PCSK1: variants seen among roughly 807,000 people sequenced by gnomAD.
The protein encoded by PCSK1 is neuroendocrine convertase 1.
Under a neutral mutation model 90.6 loss-of-function variants are expected in PCSK1, and 56 were observed. The observed-to-expected ratio is 0.62, with a 90% CI of 0.50 to 0.77. PCSK1 has a LOEUF of 0.77. Ranked by LOEUF, PCSK1 falls within the 30% of genes least tolerant of loss-of-function variation. The pLI, the probability that PCSK1 is intolerant of heterozygous loss-of-function variation, is 0.00. For synonymous variants in PCSK1, 348 were observed against 342.4 expected (o/e 1.02, Z -0.18); for missense variants, 801 against 932.6 (o/e 0.86, Z 1.84).
intron 1 of PCSK1, chr5:96,432,010 A>T: frequency 9.3e-7 from 1 of 1,079,332 alleles, no homozygotes; most frequent in South Asian, 1.3e-5. Flanking sequence ...ACCTCCAACC[A>T]GCTACCTATC....
chr5:96,396,253 A>C (rs1163237668), intron 12 of PCSK1, among the ~76,000 whole-genome samples: 1 of 152,180 alleles, frequency 6.6e-6, no homozygotes, highest in Non-Finnish European at 1.5e-5. Flanking sequence ...AGAACTTTAA[A>C]TGATTTATTT....
At chr5:96,413,993 G>A (rs1178941911) in intron 6 of PCSK1, among the ~76,000 whole-genome samples, 1 of 139,604 alleles carries the variant, frequency 7.2e-6, no homozygotes, top group Non-Finnish European at 1.5e-5. Context: ...AAAAAAATTA[G>A]CCGGGCGTAG....
At chr5:96,406,355 T>A (rs1458614790) in intron 9 of PCSK1, among the ~76,000 whole-genome samples, 1 of 152,156 alleles carries the variant, frequency 6.6e-6, no homozygotes, top group Non-Finnish European at 1.5e-5. Context: ...TTCATAGATT[T>A]TTGTCTTTTG....
intron 6 of PCSK1, among the ~76,000 whole-genome samples, chr5:96,413,393 A>G (rs1453281034): frequency 1.3e-5 from 2 of 152,256 alleles, no homozygotes; most frequent in South Asian, 2.1e-4. Flanking sequence ...CTCATAATAC[A>G]ATAAAGTGCA....
chr5:96,399,910 T>C (rs1220797932), intron 10 of PCSK1, 43 bp downstream of exon 10: 1 of 1,431,906 alleles, frequency 7.0e-7, no homozygotes, highest in South Asian at 1.2e-5. Flanking sequence ...AATGAAATTA[T>C]GCCATGGGCA....
intron 4 of PCSK1, 62 bp from the exon 5 acceptor site, chr5:96,422,018 A>T: frequency 1.3e-6 from 1 of 780,050 alleles, no homozygotes. Flanking sequence ...AAAAAAAAAA[A>T]AGCATCACTT....
intron 5 of PCSK1, among the ~76,000 whole-genome samples, chr5:96,416,419 G>C (rs764803279): frequency 5.3e-5 from 8 of 152,232 alleles, no homozygotes; most frequent in Non-Finnish European, 1.0e-4. Context: ...AAAACACTTA[G>C]AGCAGTGGAT....
At chr5:96,400,244 G>A in intron 9 of PCSK1, 58 bp from the exon 10 acceptor site, 2 of 1,195,930 alleles carry the variant, frequency 1.7e-6, no homozygotes, top group Non-Finnish European at 2.5e-6. Context: ...CCTTGCAAAA[G>A]CAAGTGCTAA....
chr5:96,431,200 T>C (rs1158940866), intron 1 of PCSK1, among the ~76,000 whole-genome samples: 1 of 152,124 alleles, frequency 6.6e-6, no homozygotes, highest in Non-Finnish European at 1.5e-5. Context: ...GTCTCAAAAA[T>C]TCCTAATAAT....
At chr5:96,423,802 A>T (rs1425557752) in intron 3 of PCSK1, among the ~76,000 whole-genome samples, 1 of 152,162 alleles carries the variant, frequency 6.6e-6, no homozygotes, top group African/African-American at 2.4e-5. Context: ...GCTCTATTTG[A>T]TAGTCGATGT....
intron 5 of PCSK1, among the ~76,000 whole-genome samples, chr5:96,419,068 T>G (rs1433335257): frequency 2.0e-5 from 3 of 152,002 alleles, no homozygotes; most frequent in Non-Finnish European, 4.4e-5. Flanking sequence ...AATATCCTTG[T>G]CACACATGTT....
At chr5:96,424,971 AAG>A (rs1554059730) in intron 3 of PCSK1, among the ~76,000 whole-genome samples, 4 of 145,640 alleles carry the variant, frequency 2.7e-5, no homozygotes, top group African/African-American at 1.1e-4. Context: ...CAAAAAAAAA[AAG>A]AAAGATAGAA....
Position 96,393,115 on chromosome 5 carries a change from A to C in PCSK1, c.2148T>G (p.Ser716=), listed in dbSNP as rs1471452398. 2 of 1,614,184 alleles carry C rather than the reference A, an allele frequency of 1.2e-6. No individual in the cohort carries two copies. Among genetic ancestry groups the C allele is most frequent in the South Asian group, 1.1e-5 (1 of 91,080 alleles). The part of the protein sequence containing the change: ...KLNKPSQLKD[S]EDSLYNDYVD... ...CATAGTCATTATACAGACTGTCTTC[A>C]GAGTCTTTAAGCTGGGAAGGTTTGT... Residue 716 remains serine, a synonymous_variant, in exon 14 of 14, where the codon TCT becomes TCG. Transcript: ENST00000311106.
At position 96,429,141 on chromosome 5, in the gene PCSK1, G is replaced by A. The variant is rs1453539205; in HGVS notation, c.285+72C>T. On this transcript the variant is annotated intron_variant, in intron 2 of 13. Coordinates refer to ENST00000311106, the MANE Select transcript of PCSK1 (RefSeq NM_000439.5). ...AAAACCACATTTGCAAAATGCTTCT[G>A]TTTTTATTAGAAATCATAAAGAAAG... 11 of 825,122 alleles carry A rather than the reference G, an allele frequency of 1.3e-5. No individual in the cohort carries two copies. The East Asian group carries it at 2.7e-4, about 20-fold the overall frequency. The allele number at this position is 825,122 out of a possible 1,614,324, so 51.1% of individuals were successfully genotyped here. A position where few individuals can be genotyped will look rare whatever the true frequency, so the allele number is the denominator to read the frequency against.
At chr5:96,429,454 C>A in intron 1 of PCSK1, 137 bp from the exon 2 acceptor site, 1 of 621,662 alleles carries the variant, frequency 1.6e-6, no homozygotes, top group South Asian at 1.9e-5. Context: ...TATTTTTTTT[C>A]TTTTTTTAAA....
intron 9 of PCSK1, among the ~76,000 whole-genome samples, chr5:96,406,806 A>T (rs932321840): frequency 1.3e-5 from 2 of 152,266 alleles, no homozygotes; most frequent in Non-Finnish European, 2.9e-5. Flanking sequence ...GAAGGATAAT[A>T]GTAATTTACA....
Position 96,423,423 on chromosome 5 carries a change from C to T in PCSK1, c.433G>A (p.Asp145Asn), listed in dbSNP as rs773206783. Residue 145 changes from aspartate to asparagine, a missense_variant, in exon 4 of 14, where the codon GAC (aspartate) becomes AAC (asparagine). Asp to Asn is a conservative substitution (Grantham distance 23). Transcript: ENST00000311106. ...TRMTAALPKL[D>N]LHVIPVWQKG... ...TGCCAAACAGGTATCACATGAAGGT[C>T]CAGCTTGGGCAGGGCTGCCGTCATC... 6.2e-7 allele frequency: 1 copy of T among 1,614,008 alleles called. No individual in the cohort carries two copies. Among genetic ancestry groups the T allele is most frequent in the South Asian group, 1.1e-5 (1 of 91,072 alleles).
At position 96,399,034 on chromosome 5, in the gene PCSK1, G is replaced by T. The variant is rs749212215; in HGVS notation, c.1433C>A (p.Ala478Asp). 3.1e-6 allele frequency: 5 copies of T among 1,605,730 alleles called. No homozygotes were observed. In the Admixed American group the frequency reaches 5.0e-5, roughly 16 times the overall value. ...GATAACTTCTCCATTAGCTTTCAGG[G>T]CTCTAAATACATTAAAGAATCAGCA... ...VVKDNDFEPR[A>D]LKANGEVIIE... The change falls in exon 11 of 14, where the codon GCC (alanine) becomes GAC (aspartate). Residue 478 changes from alanine to aspartate, a missense_variant and splice_region_variant. Coordinates refer to ENST00000311106, the MANE Select transcript of PCSK1 (RefSeq NM_000439.5).
intron 9 of PCSK1, among the ~76,000 whole-genome samples, chr5:96,400,449 C>G (rs531580579): frequency 8.4e-4 from 128 of 152,308 alleles, no homozygotes; most frequent in African/African-American, 2.9e-3. Flanking sequence ...ATTCAGTCCT[C>G]AGCAATATAG....
Sources: gnomAD v4.1 joint callset for allele counts (sites outside exome capture counted in the v4.1 genomes callset) on GRCh38, gnomAD v4.1.1 for gene constraint, MANE v1.5 for transcripts, NCBI Gene and HGNC (gene_info 2026-07-23, HGNC 2026-07-21) for gene names.